PRTG: variants seen among roughly 807,000 people sequenced by gnomAD.
The protein encoded by PRTG is protogenin.
Under a neutral mutation model 122.5 loss-of-function variants are expected in PRTG, and 67 were observed. The ratio of observed to expected loss-of-function variants is 0.55; its 90% CI spans 0.45 to 0.67. PRTG has a LOEUF of 0.67. PRTG is among the 30% of genes least tolerant of loss of function. The pLI is 0.00. For missense variants in PRTG, 1,435 were observed against 1,415.4 expected (o/e 1.01, Z -0.22); for synonymous variants, 554 against 501.1 (o/e 1.11, Z -1.41).
chr15:55,694,340 G>GT (rs1254709875), intron 2 of PRTG, among the ~76,000 whole-genome samples: 1 of 152,070 alleles, frequency 6.6e-6, no homozygotes, highest in Non-Finnish European at 1.5e-5. Flanking sequence ...ATTTTCTACT[G>GT]TTACTCCACT....
chr15:55,628,788 A>C (rs751237989), intron 16 of PRTG, 34 bp downstream of exon 16: 1 of 1,535,200 alleles, frequency 6.5e-7, no homozygotes. Flanking sequence ...TTTTTTCTTA[A>C]GAAAAATCAC....
chr15:55,700,905 G>A (rs951461905), intron 2 of PRTG, among the ~76,000 whole-genome samples: 5 of 152,174 alleles, frequency 3.3e-5, no homozygotes, highest in Non-Finnish European at 7.3e-5. Flanking sequence ...TATCCAGAAT[G>A]TATACACAAC....
At chr15:55,674,013 A>G (rs965357151) in intron 9 of PRTG, among the ~76,000 whole-genome samples, 4 of 152,212 alleles carry the variant, frequency 2.6e-5, no homozygotes, top group African/African-American at 9.6e-5. Context: ...AACAAGGGAG[A>G]GTGAATTATA....
At chr15:55,673,719 C>A in intron 9 of PRTG, 43 bp from the exon 10 acceptor site, 2 of 1,479,632 alleles carry the variant, frequency 1.4e-6, no homozygotes, top group South Asian at 1.2e-5. Flanking sequence ...TATTTAGAAT[C>A]GAATTGCCAC....
At chr15:55,636,235 G>A (rs747704035) in intron 15 of PRTG, among the ~76,000 whole-genome samples, 50 of 151,772 alleles carry the variant, frequency 3.3e-4, no homozygotes, top group Non-Finnish European at 6.0e-4. Context: ...ATTAAATTCC[G>A]TGTTCTTAAG....
intron 19 of PRTG, among the ~76,000 whole-genome samples, 187 bp downstream of exon 19, chr15:55,620,476 G>A (rs1404043539): frequency 6.6e-6 from 1 of 152,096 alleles, no homozygotes; most frequent in Non-Finnish European, 1.5e-5. Context: ...CCACAGCTCT[G>A]ATGACTATTC....
intron 2 of PRTG, among the ~76,000 whole-genome samples, chr15:55,711,081 A>AT (rs1168529643): frequency 0.19 from 22,000 of 115,384 alleles, 2,025 homozygotes; most frequent in Middle Eastern, 0.33. Flanking sequence ...TAATTTTTGT[A>AT]TTTTTTTTTT....
intron 17 of PRTG, among the ~76,000 whole-genome samples, chr15:55,625,662 C>T (rs958747006): frequency 6.7e-6 from 1 of 148,806 alleles, no homozygotes; most frequent in Non-Finnish European, 1.5e-5. Context: ...ATTGCTCTGT[C>T]GCCCAGGCTG....
chr15:55,626,138 G>C (rs957711580), intron 17 of PRTG, among the ~76,000 whole-genome samples: 7 of 152,110 alleles, frequency 4.6e-5, no homozygotes, highest in Non-Finnish European at 8.8e-5. Context: ...ATACTAGGCC[G>C]GGCGCGGTGG....
intron 2 of PRTG, among the ~76,000 whole-genome samples, chr15:55,696,039 C>A (rs2059630391): frequency 6.6e-6 from 1 of 151,996 alleles, no homozygotes. Flanking sequence ...CTTTTGGGGG[C>A]CAAGGTGGGA....
intron 11 of PRTG, among the ~76,000 whole-genome samples, chr15:55,661,475 G>A (rs2059409140): frequency 6.6e-6 from 1 of 152,106 alleles, no homozygotes; most frequent in Non-Finnish European, 1.5e-5. Context: ...TTTCAGTCAG[G>A]CATGTGGAGT....
chr15:55,737,578 T>G (rs545536055), intron 2 of PRTG, among the ~76,000 whole-genome samples: 1 of 152,310 alleles, frequency 6.6e-6, no homozygotes, highest in South Asian at 2.1e-4. Flanking sequence ...AAGAGCTACA[T>G]GAAAGCTTTG....
chr15:55,659,238 C>G (rs1402457680), intron 11 of PRTG, among the ~76,000 whole-genome samples: 3 of 152,184 alleles, frequency 2.0e-5, no homozygotes, highest in Non-Finnish European at 4.4e-5. Context: ...TAAACTATGT[C>G]AGGATGATGT....
chr15:55,639,923 T>C (rs935427419), intron 12 of PRTG, 95 bp from the exon 13 acceptor site: 3 of 1,505,772 alleles, frequency 2.0e-6, no homozygotes, highest in South Asian at 1.3e-5. Context: ...ACCCTATAAG[T>C]TGATTTTAGG....
rs759932284 is a variant in PRTG at position 55,740,692 on chromosome 15, GA to G, written c.95-9del. On this transcript the variant is annotated splice_polypyrimidine_tract_variant and intron_variant, in intron 1 of 19. Transcript: ENST00000389286. ...CGCTAAAGCACCACACTCCTATAAG[GA>G]AAAAAAAGGAGAACGGCACATCCAG... The G allele has an allele frequency of 1.4e-5, 22 of 1,580,658 alleles. No homozygotes were observed. Among genetic ancestry groups the G allele is most frequent in the Middle Eastern group, 3.4e-4 (2 of 5,874 alleles).
In PRTG at chr15:55,682,386, C is replaced by T. The variant is rs781758449; in HGVS notation, c.654G>A (p.Glu218=). The T allele has an allele frequency of 1.6e-5, 25 of 1,603,022 alleles. No homozygotes were observed. The African/African-American group carries it at 3.0e-4, about 19-fold the overall frequency. Residue 218 remains glutamate (E), a synonymous_variant, in exon 4 of 20, where the codon GAG becomes GAA. Coordinates refer to ENST00000389286, the MANE Select transcript of PRTG (RefSeq NM_173814.6). Reference sequence around the variant, plus strand: ...TACCTGGAATCACAGTTAGCGAGGCCTCCATACTTTTACGTCGGTGGGCTA... The same window carrying T: ...TACCTGGAATCACAGTTAGCGAGGCTTCCATACTTTTACGTCGGTGGGCTA... ...ATVAHRRKSM[E]ASLTVIPAKE...
intron 11 of PRTG, among the ~76,000 whole-genome samples, chr15:55,642,897 C>T (rs1426160585): frequency 6.6e-6 from 1 of 151,884 alleles, no homozygotes; most frequent in East Asian, 1.9e-4. Context: ...ATAGCAAGAT[C>T]GCATCTCTAT....
chr15:55,670,326 G>T lies in PRTG; in HGVS notation c.2041+2119C>A, dbSNP rs562525545. 5.3e-5 allele frequency among the ~76,000 whole-genome samples: 8 copies of T among 152,126 alleles called. No individual in the cohort carries two copies. In the South Asian group the frequency reaches 1.7e-3, roughly 32 times the overall value. On this transcript the variant is annotated intron_variant, in intron 11 of 19. Coordinates refer to ENST00000389286, the MANE Select transcript of PRTG (RefSeq NM_173814.6). The stretch of plus-strand genomic sequence containing the variant: ...AGAGCATGCTAATAATGTATTTTTT[G>T]TATCTTCTATATATTCATATTTTAA...
At chr15:55,718,628 C>G (rs1241296667) in intron 2 of PRTG, among the ~76,000 whole-genome samples, 1 of 145,030 alleles carries the variant, frequency 6.9e-6, no homozygotes, top group African/African-American at 2.6e-5. Context: ...AAAAAACAAA[C>G]AAAAAAAAAA....
Sources: gnomAD v4.1 joint callset for allele counts (sites outside exome capture counted in the v4.1 genomes callset) on GRCh38, gnomAD v4.1.1 for gene constraint, MANE v1.5 for transcripts, NCBI Gene and HGNC (gene_info 2026-07-23, HGNC 2026-07-21) for gene names.